The following CFTR variants were observed in gnomAD, a reference collection of about 807,000 sequenced individuals.
CFTR encodes CF transmembrane conductance regulator.
A neutral mutation model predicts 171.6 loss-of-function variants in CFTR; 181 were observed. The ratio of observed to expected loss-of-function variants is 1.05; its 90% confidence interval spans 0.93 to 1.19. The LOEUF (loss-of-function observed/expected upper bound fraction) is 1.19, where lower values mean the gene tolerates loss of function less well. CFTR is among the 50% of genes most tolerant of loss of function. CFTR has a pLI of 0.00. For synonymous variants in CFTR, 583 were observed against 608.0 expected, an observed-to-expected ratio of 0.96 and a Z score of 0.60; for missense variants, 1,968 against 1,734.7, an observed-to-expected ratio of 1.13 and a Z score of -2.39.
chr7:117,659,587 C>A (rs748247851), intron 24 of CFTR, among the ~76,000 whole-genome samples: 4 of 152,204 alleles, frequency 2.6e-5, no homozygotes, highest in Non-Finnish European at 4.4e-5. Context: ...GGACAGCTGG[C>A]AGATGCAGGA....
chr7:117,615,472 C>T (rs1195687463), intron 21 of CFTR, among the ~76,000 whole-genome samples: 1 of 151,960 alleles, frequency 6.6e-6, no homozygotes, highest in Non-Finnish European at 1.5e-5. Context: ...AGCAGCATAA[C>T]ATTTTCATAC....
chr7:117,504,445 A>G (rs765053685), intron 2 of CFTR, 82 bp downstream of exon 2: 9 of 789,764 alleles, frequency 1.1e-5, no homozygotes, highest in Non-Finnish European at 1.9e-5. Context: ...ACATATTATA[A>G]GTTTAATTCT....
chr7:117,554,987 T>A (rs1312132560), intron 10 of CFTR, among the ~76,000 whole-genome samples: 1 of 152,186 alleles, frequency 6.6e-6, no homozygotes, highest in Non-Finnish European at 1.5e-5. Flanking sequence ...CACTTGCTAA[T>A]ACAATTGACC....
chr7:117,518,636 G>T (rs898655730), intron 3 of CFTR, among the ~76,000 whole-genome samples: 5 of 149,364 alleles, frequency 3.3e-5, no homozygotes, highest in Non-Finnish European at 5.9e-5. Flanking sequence ...TCATCATGTT[G>T]CCCAGGCTGG....
chr7:117,502,832 A>G (rs2116633296), intron 1 of CFTR, among the ~76,000 whole-genome samples: 1 of 152,372 alleles, frequency 6.6e-6, no homozygotes, highest in South Asian at 2.1e-4. Context: ...TTGCAAATTA[A>G]TGGAAAAAAT....
At chr7:117,499,484 C>G (rs73717526) in intron 1 of CFTR, among the ~76,000 whole-genome samples, 3 of 134,326 alleles carry the variant, frequency 2.2e-5, no homozygotes, top group African/African-American at 9.2e-5. Flanking sequence ...AGTGATAGGG[C>G]TTTTCCTCAA....
intron 11 of CFTR, among the ~76,000 whole-genome samples, chr7:117,570,314 C>T (rs6957018): frequency 0.17 from 25,596 of 151,976 alleles, 2,446 homozygotes; most frequent in Non-Finnish European, 0.21. Context: ...AATTATTTTA[C>T]AGCATTCTAG....
Position 117,548,624 on chromosome 7 carries a change from G to A in CFTR, c.1210-17G>A. 1.2e-6 allele frequency: 2 copies of A among 1,604,396 alleles called. No individual in the cohort carries two copies. Among genetic ancestry groups the A allele is most frequent in the Non-Finnish European group, 1.7e-6 (2 of 1,174,036 alleles). ...ATTTTTGATGTGTGTGTGTGTGTGT[G>A]TGTGTTTTTTTAACAGGGATTTGGG... On this transcript the variant is annotated splice_polypyrimidine_tract_variant and intron_variant, in intron 9 of 26. Coordinates refer to ENST00000003084, the MANE Select transcript of CFTR (RefSeq NM_000492.4).
intron 11 of CFTR, among the ~76,000 whole-genome samples, chr7:117,575,744 T>C (rs1045680102): frequency 2.6e-5 from 4 of 152,130 alleles, no homozygotes; most frequent in Non-Finnish European, 5.9e-5. Flanking sequence ...TGAGGTCTCA[T>C]AGCCTTCTCT....
At chr7:117,603,804 A>G (rs759991858) in intron 17 of CFTR, 22 bp downstream of exon 17, 5 of 1,612,398 alleles carry the variant, frequency 3.1e-6, no homozygotes, top group Non-Finnish European at 3.4e-6. Flanking sequence ...GGTCTAAGAA[A>G]TGAAACTGCT....
At chr7:117,607,620 C>G (rs755058805) in intron 18 of CFTR, among the ~76,000 whole-genome samples, 9 of 150,194 alleles carry the variant, frequency 6.0e-5, no homozygotes, top group Non-Finnish European at 1.3e-4. Flanking sequence ...TGGGATGAGT[C>G]ATTGTCCGCT....
In CFTR at chr7:117,486,838, A is replaced by AAG. The variant is rs947048742; in HGVS notation, c.53+6693_53+6694dup. On this transcript the variant is annotated intron_variant, in intron 1 of 26. Transcript: ENST00000003084. ...ATACTGTTGCAGTTTTGTAAAAGAA[A>AAG]AGATGAGCTGAAAGAGTGGCCATGG... Among the ~76,000 whole-genome samples, 209 of 131,094 alleles carry AAG rather than the reference A, an allele frequency of 1.6e-3. 2 individuals carry two copies. Among genetic ancestry groups the AAG allele is most frequent in the Middle Eastern group, 7.9e-3 (2 of 254 alleles). 86.0% of individuals were successfully genotyped at this position (131,094 alleles called of 152,430 possible). A position where few individuals can be genotyped will look rare whatever the true frequency, so the allele number is the denominator to read the frequency against.
chr7:117,486,500 T>C (rs1798076802), intron 1 of CFTR, among the ~76,000 whole-genome samples: 1 of 152,082 alleles, frequency 6.6e-6, no homozygotes, highest in Admixed American at 6.6e-5. Flanking sequence ...GTGTCTTTTG[T>C]ATTCACACCT....
At chr7:117,558,162 C>T (rs549036079) in intron 10 of CFTR, among the ~76,000 whole-genome samples, 39 of 151,790 alleles carry the variant, frequency 2.6e-4, no homozygotes, top group Non-Finnish European at 4.6e-4. Context: ...ACTGTATTGT[C>T]TGTAGGCTAT....
intron 22 of CFTR, among the ~76,000 whole-genome samples, chr7:117,641,234 T>C (rs1005529481): frequency 6.6e-6 from 1 of 152,184 alleles, no homozygotes; most frequent in Non-Finnish European, 1.5e-5. Context: ...TAGTGTTCAA[T>C]AAATTATTCT....
At chr7:117,558,212 T>G (rs2115933369) in intron 10 of CFTR, among the ~76,000 whole-genome samples, 1 of 152,202 alleles carries the variant, frequency 6.6e-6, no homozygotes, top group Non-Finnish European at 1.5e-5. Flanking sequence ...TGTATTATGG[T>G]TTTTAAAAAA....
intron 1 of CFTR, among the ~76,000 whole-genome samples, chr7:117,492,068 C>T (rs912099649): frequency 6.6e-6 from 1 of 151,986 alleles, no homozygotes; most frequent in Non-Finnish European, 1.5e-5. Flanking sequence ...ACCTTTTGCT[C>T]TTGAGAGGAC....
At chr7:117,525,902 T>A (rs1344488724) in intron 3 of CFTR, among the ~76,000 whole-genome samples, 1 of 150,686 alleles carries the variant, frequency 6.6e-6, no homozygotes, top group Non-Finnish European at 1.5e-5. Flanking sequence ...AATATTGTTA[T>A]GTGTGAATTT....
intron 24 of CFTR, among the ~76,000 whole-genome samples, chr7:117,658,746 C>G (rs1793220059): frequency 6.6e-6 from 1 of 152,114 alleles, no homozygotes; most frequent in South Asian, 2.1e-4. Flanking sequence ...CAATGCTGTC[C>G]CTGGGGAGTA....
Sources: allele counts gnomAD v4.1 joint callset (sites outside exome capture counted in the v4.1 genomes callset), GRCh38; gene constraint gnomAD v4.1.1; transcripts MANE v1.5; gene names NCBI Gene and HGNC (gene_info 2026-07-23, HGNC 2026-07-21).